SLC13A1: variants seen among roughly 807,000 people sequenced by gnomAD.
The protein encoded by SLC13A1 is solute carrier family 13 member 1.
A neutral mutation model predicts 70.0 loss-of-function variants in SLC13A1; 65 were observed. The observed-to-expected ratio is 0.93, with a 90% CI of 0.76 to 1.14. The LOEUF (loss-of-function observed/expected upper bound fraction) is 1.14. Ranked by LOEUF, SLC13A1 falls within the 50% of genes most tolerant of loss-of-function variation. The pLI is 0.00. For synonymous variants in SLC13A1, 275 were observed against 250.5 expected, an observed-to-expected ratio of 1.10 and a Z score of -0.92; for missense variants, 726 against 717.8, an observed-to-expected ratio of 1.01 and a Z score of -0.13.
intron 1 of SLC13A1, among the ~76,000 whole-genome samples, chr7:123,186,441 T>C (rs1283228863): frequency 6.6e-6 from 1 of 152,132 alleles, no homozygotes; most frequent in African/African-American, 2.4e-5. Flanking sequence ...TAGAAACTCA[T>C]AGAGTGACCA....
Position 123,134,528 on chromosome 7 carries a change from G to A in SLC13A1, c.814C>T (p.Arg272Cys), listed in dbSNP as rs140244991. ...NLIFAEYFNTRYPDCRCLNFG... is the reference protein window; with the variant it reads ...NLIFAEYFNTCYPDCRCLNFG... ...TTGAGGCAACGACAGTCAGGATAGCGTCTGTGTGAAAACATGGAGACGTGT... is the reference window on the plus strand; with the variant it reads ...TTGAGGCAACGACAGTCAGGATAGCATCTGTGTGAAAACATGGAGACGTGT... Residue 272 changes from arginine to cysteine, a missense_variant and splice_region_variant, in exon 8 of 15, where the codon CGC (arginine) becomes TGC (cysteine). Transcript: ENST00000194130. 469 of 1,612,434 alleles carry A rather than the reference G, an allele frequency of 2.9e-4. 1 individual carries two copies. The highest frequency in any genetic ancestry group is 8.2e-4 in the Middle Eastern group (5 of 6,072).
intron 4 of SLC13A1, 27 bp downstream of exon 4, chr7:123,169,121 C>T: frequency 6.2e-7 from 1 of 1,607,502 alleles, no homozygotes; most frequent in Non-Finnish European, 8.5e-7. Flanking sequence ...GACTAGACCC[C>T]AGATTGGCCA....
At chr7:123,187,307 T>TA (rs986789207) in intron 1 of SLC13A1, among the ~76,000 whole-genome samples, 3 of 152,214 alleles carry the variant, frequency 2.0e-5, no homozygotes, top group Admixed American at 6.5e-5. Flanking sequence ...TCCCTTAAAT[T>TA]AAAAAATATA....
At chr7:123,178,033 C>CTCTCTCTCTCTCTCTCTCTATATATATA (rs761704605) in intron 2 of SLC13A1, among the ~76,000 whole-genome samples, 25 of 150,036 alleles carry the variant, frequency 1.7e-4, no homozygotes, top group African/African-American at 5.9e-4. Flanking sequence ...CTCTCTCTCT[C>CTCTCTCTCTCTCTCTCTCTATATATATA]TATATATATA....
At chr7:123,128,376 A>G (rs1028197852) in intron 10 of SLC13A1, among the ~76,000 whole-genome samples, 1 of 152,100 alleles carries the variant, frequency 6.6e-6, no homozygotes, top group Non-Finnish European at 1.5e-5. Context: ...TCCAATAGGG[A>G]GAAGTCCAGC....
intron 7 of SLC13A1, among the ~76,000 whole-genome samples, chr7:123,134,829 T>C (rs1793898066): frequency 6.6e-6 from 1 of 152,214 alleles, no homozygotes; most frequent in Non-Finnish European, 1.5e-5. Context: ...TTGGCTTTAA[T>C]GAGTATTAAA....
chr7:123,124,690 T>C (rs1793500890), intron 11 of SLC13A1, among the ~76,000 whole-genome samples: 1 of 134,404 alleles, frequency 7.4e-6, no homozygotes, highest in South Asian at 2.1e-4. Flanking sequence ...TGTGTGTGTC[T>C]GTGTGTGTGT....
At chr7:123,121,448 C>T (rs1478395309) in intron 12 of SLC13A1, among the ~76,000 whole-genome samples, 3 of 152,038 alleles carry the variant, frequency 2.0e-5, no homozygotes, top group Non-Finnish European at 2.9e-5. Context: ...ATCCTCTTTC[C>T]ACTTTCTAAA....
chr7:123,119,146 A>T lies in SLC13A1; in HGVS notation c.1447T>A (p.Ser483Thr), dbSNP rs759195127. The change falls in exon 13 of 15, where the codon TCT becomes ACT. Residue 483 changes from serine to threonine, a missense_variant. By Grantham distance (58) the Ser-to-Thr change is moderately conservative. Coordinates refer to ENST00000194130, the MANE Select transcript of SLC13A1 (RefSeq NM_022444.4). ...IILISSLMVTSLTEVASNPAT... is the reference protein window; with the variant it reads ...IILISSLMVTTLTEVASNPAT... ...GGATTGCTGGCTACCTCAGTTAAAG[A>T]TGTCACCATCAAAGAAGATATCAGA... 31 of 1,612,772 alleles carry T rather than the reference A, an allele frequency of 1.9e-5. No individual in the cohort carries two copies. The highest frequency in any genetic ancestry group is 4.4e-5 in the South Asian group (4 of 91,048).
At chr7:123,185,006 C>T (rs1413924352) in intron 1 of SLC13A1, among the ~76,000 whole-genome samples, 2 of 152,028 alleles carry the variant, frequency 1.3e-5, no homozygotes, top group African/African-American at 2.4e-5. Context: ...TAATATCTCA[C>T]TGTGGCTTTA....
rs77645122 is a variant in SLC13A1 at position 123,162,461 on chromosome 7, G to T, written c.660+5913C>A. Among the ~76,000 whole-genome samples the T allele has an allele frequency of 5.4e-3, 815 of 151,964 alleles. 7 individuals carry two copies. The highest frequency in any genetic ancestry group is 0.018 in the African/African-American group (755 of 41,460). ...CTCCCTCTCTCTCCTTGCTTACCTC[G>T]TCTATAAACATTCTCTATAAACCAC... On this transcript the variant is annotated intron_variant, in intron 6 of 14. Coordinates refer to ENST00000194130, the MANE Select transcript of SLC13A1 (RefSeq NM_022444.4).
At chr7:123,167,749 A>G (rs1479430996) in intron 6 of SLC13A1, among the ~76,000 whole-genome samples, 2 of 152,120 alleles carry the variant, frequency 1.3e-5, no homozygotes, top group African/African-American at 4.8e-5. Context: ...TGACAGAAGC[A>G]ACTCATGAAT....
At chr7:123,129,564 T>C in intron 8 of SLC13A1, 83 bp from the exon 9 acceptor site, 1 of 961,912 alleles carries the variant, frequency 1.0e-6, no homozygotes, top group South Asian at 1.3e-5. Context: ...TAAAACGTTG[T>C]CATCTTCACG....
At chr7:123,170,912 AT>A (rs1795249103) in intron 3 of SLC13A1, among the ~76,000 whole-genome samples, 1 of 92,908 alleles carries the variant, frequency 1.1e-5, no homozygotes, top group African/African-American at 4.9e-5. Context: ...GTGTTATACA[AT>A]TTTTAAGTAA....
At chr7:123,166,785 C>T (rs182758265) in intron 6 of SLC13A1, among the ~76,000 whole-genome samples, 55 of 152,256 alleles carry the variant, frequency 3.6e-4, no homozygotes, top group Admixed American at 1.7e-3. Context: ...TTAATCCAGT[C>T]TATCACTGTT....
chr7:123,125,895 T>C (rs1793542329), intron 10 of SLC13A1, among the ~76,000 whole-genome samples: 1 of 152,162 alleles, frequency 6.6e-6, no homozygotes, highest in Admixed American at 6.6e-5. Context: ...TGTTCCCATA[T>C]ATCTCTTCTT....
At chr7:123,147,331 A>T (rs748872302) in intron 6 of SLC13A1, 21 bp from the exon 7 acceptor site, 1 of 1,611,442 alleles carries the variant, frequency 6.2e-7, no homozygotes, top group Non-Finnish European at 8.5e-7. Context: ...ACAACAAAAA[A>T]CTACCATGAG....
intron 6 of SLC13A1, among the ~76,000 whole-genome samples, chr7:123,150,034 C>A (rs920726234): frequency 6.6e-6 from 1 of 152,136 alleles, no homozygotes; most frequent in Non-Finnish European, 1.5e-5. Context: ...GAGTAGCCAG[C>A]TACTGTTGTT....
chr7:123,129,573 CGCAATATGAATCTCCCTTCAT>C (rs1328346056), intron 8 of SLC13A1, 92 bp from the exon 9 acceptor site: 2 of 900,562 alleles, frequency 2.2e-6, no homozygotes, highest in African/African-American at 3.3e-5. Context: ...GTCATCTTCA[CGCAATATGAATCTCCCTTCAT>C]GCAATATGAA....
Sources: gnomAD v4.1 joint callset for allele counts (sites outside exome capture counted in the v4.1 genomes callset) on GRCh38, gnomAD v4.1.1 for gene constraint, MANE v1.5 for transcripts, NCBI Gene and HGNC (gene_info 2026-07-23, HGNC 2026-07-21) for gene names.